TMEM97: variants seen among roughly 807,000 people sequenced by gnomAD.
The protein encoded by TMEM97 is sigma intracellular receptor 2.
A neutral mutation model predicts 18.3 loss-of-function variants in TMEM97; 13 were observed. The observed-to-expected ratio is 0.71, with a 90% CI of 0.46 to 1.13. TMEM97 has a LOEUF of 1.13. Ranked by LOEUF, TMEM97 falls within the 50% of genes most tolerant of loss-of-function variation. The probability of loss-of-function intolerance (pLI) is 0.00; values close to 1 mark genes in which losing one functional copy is unlikely to be tolerated. For missense variants in TMEM97, 205 were observed against 210.5 expected, an observed-to-expected ratio of 0.97 and a Z score of 0.16; for synonymous variants, 76 against 85.3, an observed-to-expected ratio of 0.89 and a Z score of 0.60.
chr17:28,324,203 C>T (rs1196174476), intron 1 of TMEM97, among the ~76,000 whole-genome samples: 1 of 152,116 alleles, frequency 6.6e-6, no homozygotes, highest in Non-Finnish European at 1.5e-5. Context: ...AACCACATTC[C>T]CATCCAGAAA....
intron 1 of TMEM97, among the ~76,000 whole-genome samples, chr17:28,321,016 C>T (rs1567774793): frequency 1.3e-5 from 2 of 152,194 alleles, no homozygotes; most frequent in Non-Finnish European, 2.9e-5. Context: ...GTCACAGGTT[C>T]CAGGGATTAG....
intron 1 of TMEM97, 42 bp downstream of exon 1, chr17:28,319,407 C>T (rs974953605): frequency 6.6e-6 from 9 of 1,371,916 alleles, no homozygotes; most frequent in Middle Eastern, 1.9e-4. Flanking sequence ...GAGGCTCTCC[C>T]GGCGCTGCGT....
chr17:28,321,800 CTGTGTGTG>C (rs538038865), intron 1 of TMEM97, among the ~76,000 whole-genome samples: 174 of 132,294 alleles, frequency 1.3e-3, no homozygotes, highest in Middle Eastern at 4.0e-3. Flanking sequence ...TGGCCAGAAC[CTGTGTGTG>C]TGTGTGTGTG....
Position 28,328,632 on chromosome 17 carries a change from A to G in TMEM97, c.*1839A>G. The G allele has an allele frequency of 6.4e-7, 1 of 1,564,214 alleles. No individual in the cohort carries two copies. The highest frequency in any genetic ancestry group is 1.2e-5 in the South Asian group (1 of 85,922). On this transcript the variant is annotated 3_prime_UTR_variant, in exon 3 of 3. Coordinates refer to ENST00000226230, the MANE Select transcript of TMEM97 (RefSeq NM_014573.3). ...CTTTTTTTTGTTTTGCCTTCCTACT[A>G]TAAAAGCGAAATTTTCAGTTCATTT...
At chr17:28,321,837 T>G (rs1906157137) in intron 1 of TMEM97, among the ~76,000 whole-genome samples, 1 of 150,644 alleles carries the variant, frequency 6.6e-6, no homozygotes, top group Non-Finnish European at 1.5e-5. Context: ...TGTGTGTGTG[T>G]GTGTGTTTGT....
In TMEM97 at chr17:28,327,913, A is replaced by G. The variant is rs1906432595; in HGVS notation, c.*1120A>G. 1 of 152,270 alleles carries G rather than the reference A, an allele frequency of 6.6e-6. No homozygotes were observed. The highest frequency in any genetic ancestry group is 2.4e-5 in the African/African-American group (1 of 41,470). The allele number at this position is 152,270 out of a possible 1,614,324, so 9.4% of individuals were successfully genotyped here. A position where few individuals can be genotyped will look rare whatever the true frequency, so the allele number is the denominator to read the frequency against. ...CTCAAGGCTGATCTGGAAGTGTGCT[A>G]GTATGCTCCCTAGTGGATAACTTAA... is the stretch of plus-strand genomic sequence containing the variant. On this transcript the variant is annotated 3_prime_UTR_variant, in exon 3 of 3. Transcript: ENST00000226230.
At position 28,326,927 on chromosome 17, in the gene TMEM97, T is replaced by C; in HGVS notation, c.*134T>C. ...CTGGCAGCAATGCACAAGAGCAAGA[T>C]GGTGTCAGGAACCATGTCAAACCCT... On this transcript the variant is annotated 3_prime_UTR_variant, in exon 3 of 3. Transcript: ENST00000226230. 1.8e-6 allele frequency: 2 copies of C among 1,140,934 alleles called. No individual in the cohort carries two copies. Among genetic ancestry groups the C allele is most frequent in the Non-Finnish European group, 2.5e-6 (2 of 807,560 alleles). The allele number at this position is 1,140,934 out of a possible 1,614,324, so 70.7% of individuals were successfully genotyped here. A position where few individuals can be genotyped will look rare whatever the true frequency, so the allele number is the denominator to read the frequency against.
chr17:28,324,332 A>G (rs1200131612), intron 1 of TMEM97, among the ~76,000 whole-genome samples: 1 of 152,252 alleles, frequency 6.6e-6, no homozygotes, highest in Non-Finnish European at 1.5e-5. Flanking sequence ...GAAATTAATA[A>G]TATGCTAACA....
rs114830246 is a variant in TMEM97 at position 28,327,546 on chromosome 17, G to A, written c.*753G>A. 1 of 152,192 alleles carries A rather than the reference G, an allele frequency of 6.6e-6. No individual in the cohort carries two copies. Among genetic ancestry groups the A allele is most frequent in the Non-Finnish European group, 1.5e-5 (1 of 68,046 alleles). The allele number at this position is 152,192 out of a possible 1,614,324, so 9.4% of individuals were successfully genotyped here. On this transcript the variant is annotated 3_prime_UTR_variant, in exon 3 of 3. Transcript: ENST00000226230. ...GTATCACCTGTCAGCAAAATGAATA[G>A]TGGGATATTTTGGGCCATTTTAAAT...
In TMEM97 at chr17:28,328,676, A is replaced by C; in HGVS notation, c.*1883A>C. On this transcript the variant is annotated 3_prime_UTR_variant, in exon 3 of 3. Transcript: ENST00000226230. Reference sequence around the variant, plus strand: ...TTCATTTCTGAAAAATAAATTGGTCAATAAATTCATTTTGTTCTGCTTCTA... The same window carrying C: ...TTCATTTCTGAAAAATAAATTGGTCCATAAATTCATTTTGTTCTGCTTCTA... 1 of 1,605,136 alleles carries C rather than the reference A, an allele frequency of 6.2e-7. No individual in the cohort carries two copies. The highest frequency in any genetic ancestry group is 8.5e-7 in the Non-Finnish European group (1 of 1,176,472).
Position 28,327,011 on chromosome 17 carries a change from A to T in TMEM97, c.*218A>T. On this transcript the variant is annotated 3_prime_UTR_variant, in exon 3 of 3. Transcript: ENST00000226230. ...AGTCTCACTCTGTTGCCCAGGCTGGAGTAAAGGGCAGTGGCATGATCTCGG... is the reference window on the plus strand; with the variant it reads ...AGTCTCACTCTGTTGCCCAGGCTGGTGTAAAGGGCAGTGGCATGATCTCGG... 1.8e-6 allele frequency: 1 copy of T among 541,318 alleles called. No homozygotes were observed. Among genetic ancestry groups the T allele is most frequent in the Non-Finnish European group, 3.2e-6 (1 of 310,992 alleles). The allele number at this position is 541,318 out of a possible 1,614,324, so 33.5% of individuals were successfully genotyped here.
rs1364197954 is a variant in TMEM97 at position 28,322,459 on chromosome 17, G to A, written c.127-3044G>A. Among the ~76,000 whole-genome samples, 4 of 151,932 alleles carry A rather than the reference G, an allele frequency of 2.6e-5. No homozygotes were observed. In the East Asian group the frequency reaches 5.8e-4, roughly 22 times the overall value. On this transcript the variant is annotated intron_variant, in intron 1 of 2. Coordinates refer to ENST00000226230, the MANE Select transcript of TMEM97 (RefSeq NM_014573.3). ...GTGTTTCACCATGTTGGCCAGGCTG[G>A]TCTCAAACTCCTGACCTCAAGCGAT...
chr17:28,328,610 T>C lies in TMEM97; in HGVS notation c.*1817T>C, dbSNP rs782462955. On this transcript the variant is annotated 3_prime_UTR_variant, in exon 3 of 3. Transcript: ENST00000226230. ...AGGTTTTTTTGGTTTTGAGAGGCTTTTTTTTGTTTTGCCTTCCTACTATAA... is the reference window on the plus strand; with the variant it reads ...AGGTTTTTTTGGTTTTGAGAGGCTTCTTTTTGTTTTGCCTTCCTACTATAA... 2.9e-6 allele frequency: 4 copies of C among 1,391,218 alleles called. No homozygotes were observed. Among genetic ancestry groups the C allele is most frequent in the Admixed American group, 2.1e-5 (1 of 48,250 alleles). The allele number at this position is 1,391,218 out of a possible 1,614,324, so 86.2% of individuals were successfully genotyped here. A position where few individuals can be genotyped will look rare whatever the true frequency, so the allele number is the denominator to read the frequency against.
chr17:28,325,258 AAAG>A (rs1555575317), intron 1 of TMEM97, among the ~76,000 whole-genome samples: 1 of 152,200 alleles, frequency 6.6e-6, no homozygotes, highest in Non-Finnish European at 1.5e-5. Context: ...TGGGTAACAC[AAAG>A]AAGGGGCTGG....
At position 28,326,521 on chromosome 17, in the gene TMEM97, C is replaced by G; in HGVS notation, c.272-13C>G. The G allele has an allele frequency of 6.2e-7, 1 of 1,609,752 alleles. No homozygotes were observed. The highest frequency in any genetic ancestry group is 8.5e-7 in the Non-Finnish European group (1 of 1,177,536). ...CAGACCTAACCATTTTTCTTTTCCC[C>G]TGACTACCTCAGGAAGCTGCAAGTG... On this transcript the variant is annotated splice_polypyrimidine_tract_variant and intron_variant, in intron 2 of 2. Transcript: ENST00000226230.
Position 28,326,429 on chromosome 17 carries a change from G to C in TMEM97, c.272-105G>C, listed in dbSNP as rs577382873. 9.4e-6 allele frequency: 13 copies of C among 1,382,560 alleles called. No individual in the cohort carries two copies. In the East Asian group the frequency reaches 2.1e-4, roughly 22 times the overall value. 85.6% of individuals were successfully genotyped at this position (1,382,560 alleles called of 1,614,324 possible). On this transcript the variant is annotated intron_variant, in intron 2 of 2. Transcript: ENST00000226230. The stretch of plus-strand genomic sequence containing the variant: ...TTCCAGTTCCGAGTTTCCACTTGGA[G>C]AAGGGAGTAGAAGAAAGCAGGCAGG...
chr17:28,320,184 A>C (rs976852365), intron 1 of TMEM97, among the ~76,000 whole-genome samples: 1 of 151,964 alleles, frequency 6.6e-6, no homozygotes, highest in Non-Finnish European at 1.5e-5. Flanking sequence ...TGACTTGTCT[A>C]CCCGAAGATT....
rs565109706 is a variant in TMEM97, at chr17:28,319,217, G to A, written c.-23G>A. On this transcript the variant is annotated 5_prime_UTR_variant, in exon 1 of 3. Coordinates refer to ENST00000226230, the MANE Select transcript of TMEM97 (RefSeq NM_014573.3). Reference sequence around the variant, plus strand: ...TTTGGCCCCTCTTCTCACATCAGCGGGTCCAGGCCCAACCGACAGACTATG... The same window carrying A: ...TTTGGCCCCTCTTCTCACATCAGCGAGTCCAGGCCCAACCGACAGACTATG... 2 of 1,581,152 alleles carry A rather than the reference G, an allele frequency of 1.3e-6. No homozygotes were observed. The highest frequency in any genetic ancestry group is 1.4e-5 in the African/African-American group (1 of 73,294).
rs781829137 is a variant in TMEM97 at position 28,326,640 on chromosome 17, C to T, written c.378C>T (p.Ala126=). 6.2e-7 allele frequency: 1 copy of T among 1,614,178 alleles called. No individual in the cohort carries two copies. The highest frequency in any genetic ancestry group is 1.1e-5 in the South Asian group (1 of 91,084). The change falls in exon 3 of 3, where the codon GCC becomes GCT. Residue 126 remains alanine (A), a synonymous_variant. Coordinates refer to ENST00000226230, the MANE Select transcript of TMEM97 (RefSeq NM_014573.3). ...STFLFEDFSK[A]SGFKGQRPET... The stretch of plus-strand genomic sequence containing the variant: ...TTCTGTTTGAGGATTTCTCCAAAGC[C>T]AGTGGTTTCAAGGGACAAAGACCTG...
Sources: gnomAD v4.1 joint callset for allele counts (sites outside exome capture counted in the v4.1 genomes callset) on GRCh38, gnomAD v4.1.1 for gene constraint, MANE v1.5 for transcripts, NCBI Gene and HGNC (gene_info 2026-07-23, HGNC 2026-07-21) for gene names.